Variants in PTPRT observed in about 807,000 individuals in gnomAD.
PTPRT encodes the protein receptor-type tyrosine-protein phosphatase T.
In PTPRT, 56 loss-of-function variants were observed where a neutral mutation model predicts 176.8. The ratio of observed to expected loss-of-function variants is 0.32; its 90% confidence interval spans 0.26 to 0.40. The LOEUF is 0.40. Among genes scored for constraint, PTPRT ranks in the 10% least tolerant of loss-of-function variants. The pLI is 1.00. For missense variants in PTPRT, 1,540 were observed against 1,908.2 expected, an observed-to-expected ratio of 0.81 and a Z score of 3.60; for synonymous variants, 783 against 739.0, an observed-to-expected ratio of 1.06 and a Z score of -0.96.
At chr20:42,470,924 G>A (rs7274681) in intron 8 of PTPRT, among the ~76,000 whole-genome samples, 40,774 of 151,412 alleles carry the variant, frequency 0.27, 6,422 homozygotes, top group Non-Finnish European at 0.36. Context: ...TGGGGGTATG[G>A]AGGTGGGGTG....
chr20:42,514,678 ATAT>A (rs1197833461), intron 7 of PTPRT, among the ~76,000 whole-genome samples: 1 of 152,210 alleles, frequency 6.6e-6, no homozygotes, highest in East Asian at 1.9e-4. Context: ...TATTCTGTCT[ATAT>A]TTTTCTCTTA....
At chr20:42,710,418 G>T (rs2146197276) in intron 6 of PTPRT, among the ~76,000 whole-genome samples, 1 of 152,310 alleles carries the variant, frequency 6.6e-6, no homozygotes, top group South Asian at 2.1e-4. Flanking sequence ...CCTATATCCT[G>T]GCTGCTCCAG....
intron 15 of PTPRT, among the ~76,000 whole-genome samples, chr20:42,220,852 AC>A (rs2055869821): frequency 6.6e-6 from 1 of 152,182 alleles, no homozygotes; most frequent in East Asian, 1.9e-4. Context: ...CGTGACCCCA[AC>A]CGTATCCTCT....
intron 9 of PTPRT, among the ~76,000 whole-genome samples, chr20:42,386,192 A>T (rs1389425102): frequency 6.6e-6 from 1 of 152,202 alleles, no homozygotes; most frequent in Non-Finnish European, 1.5e-5. Flanking sequence ...GGTAAGGTCT[A>T]AGAGAAATGG....
chr20:42,769,659 C>T (rs142242577), intron 5 of PTPRT, among the ~76,000 whole-genome samples: 10 of 152,306 alleles, frequency 6.6e-5, no homozygotes, highest in Admixed American at 2.6e-4. Context: ...TACGTCTCTA[C>T]GAAGACTCAC....
At chr20:42,623,359 T>C (rs1462065825) in intron 7 of PTPRT, among the ~76,000 whole-genome samples, 1 of 152,182 alleles carries the variant, frequency 6.6e-6, no homozygotes, top group Non-Finnish European at 1.5e-5. Context: ...CCTGCCTGTC[T>C]GTGTGCTCCC....
chr20:42,384,154 C>T (rs1486214154), intron 9 of PTPRT, among the ~76,000 whole-genome samples: 1 of 152,172 alleles, frequency 6.6e-6, no homozygotes, highest in African/African-American at 2.4e-5. Flanking sequence ...TGCATATGGA[C>T]CATGCACTAG....
chr20:42,067,152 C>A, the PTPRT span, among the ~76,000 whole-genome samples: 1 of 152,128 alleles, frequency 6.6e-6, no homozygotes, highest in East Asian at 1.9e-4. Flanking sequence ...CATGGAGGGG[C>A]CAGAAAAGGG....
chr20:43,083,359 T>TAC (rs2011514803), intron 1 of PTPRT, among the ~76,000 whole-genome samples: 8 of 126,808 alleles, frequency 6.3e-5, no homozygotes, highest in South Asian at 2.4e-4. Flanking sequence ...TATATATATA[T>TAC]ATATATATAT....
chr20:42,903,506 G>A (rs1003000729), intron 1 of PTPRT, among the ~76,000 whole-genome samples: 4 of 152,142 alleles, frequency 2.6e-5, no homozygotes, highest in East Asian at 1.9e-4. Flanking sequence ...AATAGCATCC[G>A]GCGTTCTATA....
chr20:42,776,417 C>G (rs143976448), intron 4 of PTPRT, among the ~76,000 whole-genome samples: 3,268 of 152,258 alleles, frequency 0.021, 42 homozygotes, highest in Non-Finnish European at 0.032. Flanking sequence ...GACCAGTATT[C>G]TCAACAGAGG....
intron 12 of PTPRT, among the ~76,000 whole-genome samples, chr20:42,306,833 C>T (rs1015484787): frequency 1.3e-5 from 2 of 152,176 alleles, no homozygotes; most frequent in African/African-American, 4.8e-5. Flanking sequence ...ACTAAAATCC[C>T]TCCTTCAGTG....
chr20:42,116,558 G>A (rs982001582), intron 21 of PTPRT, among the ~76,000 whole-genome samples: 10 of 152,104 alleles, frequency 6.6e-5, no homozygotes, highest in East Asian at 3.9e-4. Flanking sequence ...AGTGTTCTGC[G>A]AATACTTTAC....
At chr20:42,381,805 C>G (rs1465192485) in intron 9 of PTPRT, among the ~76,000 whole-genome samples, 1 of 152,172 alleles carries the variant, frequency 6.6e-6, no homozygotes, top group African/African-American at 2.4e-5. Flanking sequence ...TAATGTTCAT[C>G]TTTACTGTGT....
At chr20:43,134,399 C>G (rs1200262647) in intron 1 of PTPRT, among the ~76,000 whole-genome samples, 1 of 152,180 alleles carries the variant, frequency 6.6e-6, no homozygotes, top group Admixed American at 6.5e-5. Flanking sequence ...TGATCTCCCT[C>G]ACTTGAAATC....
chr20:42,260,561 T>C (rs1049865553), intron 13 of PTPRT, among the ~76,000 whole-genome samples: 2 of 152,194 alleles, frequency 1.3e-5, no homozygotes, highest in Non-Finnish European at 2.9e-5. Flanking sequence ...GTGGTCACAC[T>C]GAACTGACTG....
the PTPRT span, among the ~76,000 whole-genome samples, chr20:42,032,844 A>G: frequency 6.6e-6 from 1 of 152,146 alleles, no homozygotes; most frequent in Non-Finnish European, 1.5e-5. Flanking sequence ...CCCCCAGAGA[A>G]TGGTGAGGAA....
chr20:42,772,908 G>T (rs2077083764), intron 4 of PTPRT, among the ~76,000 whole-genome samples: 1 of 152,188 alleles, frequency 6.6e-6, no homozygotes, highest in African/African-American at 2.4e-5. Context: ...ACACTATTAT[G>T]ATTTCCCTGT....
chr20:42,403,035 G>C (rs578211186), intron 9 of PTPRT, among the ~76,000 whole-genome samples: 15 of 152,160 alleles, frequency 9.9e-5, no homozygotes, highest in African/African-American at 2.9e-4. Context: ...AGAGAATGTA[G>C]ATAATACATA....
Sources: gnomAD v4.1 joint callset for allele counts (sites outside exome capture counted in the v4.1 genomes callset) on GRCh38, gnomAD v4.1.1 for gene constraint, MANE v1.5 for transcripts, NCBI Gene and HGNC (gene_info 2026-07-23, HGNC 2026-07-21) for gene names.